The following ECT2 variants were observed in gnomAD, a reference collection of about 807,000 sequenced individuals.
ECT2 encodes the protein epithelial cell transforming 2.
Under a neutral mutation model 116.9 loss-of-function variants are expected in ECT2, and 61 were observed. The ratio of observed to expected loss-of-function variants is 0.52; its 90% CI spans 0.42 to 0.65. The LOEUF (loss-of-function observed/expected upper bound fraction) is 0.65, where lower values mean the gene tolerates loss of function less well. ECT2 is among the 30% of genes least tolerant of loss of function. ECT2 has a pLI of 0.00. For synonymous variants in ECT2, 358 were observed against 346.4 expected, an observed-to-expected ratio of 1.03 and a Z score of -0.37; for missense variants, 937 against 1,078.7, an observed-to-expected ratio of 0.87 and a Z score of 1.84.
In ECT2 at chr3:172,784,892, T is replaced by G; in HGVS notation, c.1825+89T>G. 4.9e-6 allele frequency: 4 copies of G among 819,296 alleles called. No homozygotes were observed. The South Asian group carries it at 6.8e-5, about 14-fold the overall frequency. The allele number at this position is 819,296 out of a possible 1,614,324, so 50.8% of individuals were successfully genotyped here. On this transcript the variant is annotated intron_variant, in intron 17 of 24. Transcript: ENST00000392692. ...GATGAATTTCTTCTCATTTTTAGAG[T>G]TTCTTAGATTTCAGCATTAAAGTTT...
intron 22 of ECT2, among the ~76,000 whole-genome samples, chr3:172,811,983 CTT>C (rs200790013): frequency 1.8e-4 from 24 of 134,514 alleles, no homozygotes; most frequent in Non-Finnish European, 1.8e-4. Flanking sequence ...AAATGTATTT[CTT>C]TTTTTTTTTT....
chr3:172,756,445 C>A (rs1164581566), intron 4 of ECT2, among the ~76,000 whole-genome samples: 1 of 152,096 alleles, frequency 6.6e-6, no homozygotes, highest in African/African-American at 2.4e-5. Flanking sequence ...CTACATATTG[C>A]ACATCTTTCT....
At position 172,774,069 on chromosome 3, in the gene ECT2, C is replaced by G. The variant is rs369690880; in HGVS notation, c.1548+47C>G. The G allele has an allele frequency of 4.5e-6, 7 of 1,567,896 alleles. No homozygotes were observed. The African/African-American group carries it at 9.5e-5, about 21-fold the overall frequency. On this transcript the variant is annotated intron_variant, in intron 14 of 24. Coordinates refer to ENST00000392692, the MANE Select transcript of ECT2 (RefSeq NM_001258315.2). ...TGGTAGTAATTTTTTTCAGATTGTACATATTTATTATGATCTTTGAGGTAC... is the reference window on the plus strand; with the variant it reads ...TGGTAGTAATTTTTTTCAGATTGTAGATATTTATTATGATCTTTGAGGTAC...
Position 172,821,456 on chromosome 3 carries a change from T to C in ECT2, c.*1219T>C, listed in dbSNP as rs566265570. ...TATTAGTAAGAACTTTGTAAATAAATACCTAAAACCCAAGTGTATTTTATG... is the reference window on the plus strand; with the variant it reads ...TATTAGTAAGAACTTTGTAAATAAACACCTAAAACCCAAGTGTATTTTATG... On this transcript the variant is annotated 3_prime_UTR_variant, in exon 25 of 25. Transcript: ENST00000392692. 2 of 152,044 alleles carry C rather than the reference T, an allele frequency of 1.3e-5. No individual in the cohort carries two copies. The highest frequency in any genetic ancestry group is 1.3e-4 in the Admixed American group (2 of 15,268). 9.4% of individuals were successfully genotyped at this position (152,044 alleles called of 1,614,324 possible).
rs755603715 is a variant in ECT2, at chr3:172,802,998, A to C, written c.2106+18A>C. On this transcript the variant is annotated intron_variant, in intron 20 of 24. Coordinates refer to ENST00000392692, the MANE Select transcript of ECT2 (RefSeq NM_001258315.2). ...GCCTAGAGGTAAAGATGTACTTCACATAGTATAATAACACTACTGATTTTT... is the reference window on the plus strand; with the variant it reads ...GCCTAGAGGTAAAGATGTACTTCACCTAGTATAATAACACTACTGATTTTT... 1.9e-6 allele frequency: 3 copies of C among 1,601,594 alleles called. No individual in the cohort carries two copies. The Admixed American group carries it at 5.2e-5, about 28-fold the overall frequency.
At position 172,750,816 on chromosome 3, in the gene ECT2, G is replaced by T. The variant is rs1275444390; in HGVS notation, c.-64G>T. ...AATGGCGGTATTTGTGAGAGGAGTCGGCGTTTGAAGAGGTGGAACTCCTAG... is the reference window on the plus strand; with the variant it reads ...AATGGCGGTATTTGTGAGAGGAGTCTGCGTTTGAAGAGGTGGAACTCCTAG... On this transcript the variant is annotated 5_prime_UTR_variant, in exon 1 of 25. Coordinates refer to ENST00000392692, the MANE Select transcript of ECT2 (RefSeq NM_001258315.2). 6.5e-6 allele frequency: 1 copy of T among 153,120 alleles called. No individual in the cohort carries two copies. The highest frequency in any genetic ancestry group is 6.5e-5 in the Admixed American group (1 of 15,292). 9.5% of individuals were successfully genotyped at this position (153,120 alleles called of 1,614,324 possible). A position where few individuals can be genotyped will look rare whatever the true frequency, so the allele number is the denominator to read the frequency against.
chr3:172,804,493 A>G (rs1021200045), intron 20 of ECT2, among the ~76,000 whole-genome samples: 3 of 152,164 alleles, frequency 2.0e-5, no homozygotes, highest in African/African-American at 7.2e-5. Context: ...GCCTGCCCTG[A>G]TTGAGAACAG....
At chr3:172,762,198 A>T (rs990147798) in intron 8 of ECT2, among the ~76,000 whole-genome samples, 2 of 152,168 alleles carry the variant, frequency 1.3e-5, no homozygotes, top group African/African-American at 4.8e-5. Flanking sequence ...TGTAAAGCTT[A>T]TCTGTGATCA....
rs1453666821 is a variant in ECT2 at position 172,759,063 on chromosome 3, A to G, written c.570A>G (p.Glu190=). The G allele has an allele frequency of 6.3e-7, 1 of 1,586,988 alleles. No individual in the cohort carries two copies. Among genetic ancestry groups the G allele is most frequent in the East Asian group, 2.2e-5 (1 of 44,564 alleles). ...VLCFTGFRKK[E]ELVRLVTLVH... Reference sequence around the variant, plus strand: ...GCTTTACTGGATTTAGGAAAAAAGAAGAACTAGTAAGTATTACGAAACAAA... The same window carrying G: ...GCTTTACTGGATTTAGGAAAAAAGAGGAACTAGTAAGTATTACGAAACAAA... The change falls in exon 6 of 25, where the codon GAA becomes GAG. Residue 190 remains glutamate (E), a synonymous_variant. Coordinates refer to ENST00000392692, the MANE Select transcript of ECT2 (RefSeq NM_001258315.2).
In ECT2 at chr3:172,780,179, A is replaced by G. The variant is rs186278630; in HGVS notation, c.1549-1984A>G. Among the ~76,000 whole-genome samples the G allele has an allele frequency of 2.0e-3, 307 of 152,188 alleles. 2 individuals carry two copies. Among genetic ancestry groups the G allele is most frequent in the African/African-American group, 6.6e-3 (276 of 41,524 alleles). On this transcript the variant is annotated intron_variant, in intron 14 of 24. Coordinates refer to ENST00000392692, the MANE Select transcript of ECT2 (RefSeq NM_001258315.2). ...AGCATATAGATATACTATTTGATACACTATATAGTATTGTAAATATGTTTA... is the reference window on the plus strand; with the variant it reads ...AGCATATAGATATACTATTTGATACGCTATATAGTATTGTAAATATGTTTA...
At chr3:172,800,968 A>G (rs960380673) in intron 18 of ECT2, among the ~76,000 whole-genome samples, 3 of 152,214 alleles carry the variant, frequency 2.0e-5, no homozygotes, top group African/African-American at 7.2e-5. Flanking sequence ...ACAAAAAATG[A>G]TAACTTTTAT....
chr3:172,768,598 A>G (rs1157024797), intron 12 of ECT2, among the ~76,000 whole-genome samples: 1 of 152,208 alleles, frequency 6.6e-6, no homozygotes, highest in Non-Finnish European at 1.5e-5. Flanking sequence ...TGTAGACTTC[A>G]GATTTCATCA....
intron 24 of ECT2, chr3:172,818,455 G>A (rs1039150879): frequency 8.8e-6 from 6 of 680,368 alleles, no homozygotes; most frequent in Non-Finnish European, 1.1e-5. Context: ...TTATGGTTAT[G>A]TCACTTTTAA....
At position 172,815,684 on chromosome 3, in the gene ECT2, A is replaced by G; in HGVS notation, c.2481A>G (p.Ser827=). Residue 827 remains serine (S), a synonymous_variant, in exon 23 of 25, where the codon TCA becomes TCG. Coordinates refer to ENST00000392692, the MANE Select transcript of ECT2 (RefSeq NM_001258315.2). Reference sequence around the variant, plus strand: ...TGGACAGTACATTGAGTAGAGCATCAAGAGCAATAAAAAAGACTTCAAAAA... The same window carrying G: ...TGGACAGTACATTGAGTAGAGCATCGAGAGCAATAAAAAAGACTTCAAAAA... ...KDMDSTLSRA[S]RAIKKTSKKV... 6.2e-7 allele frequency: 1 copy of G among 1,602,936 alleles called. No homozygotes were observed. Among genetic ancestry groups the G allele is most frequent in the South Asian group, 1.1e-5 (1 of 87,680 alleles).
intron 18 of ECT2, among the ~76,000 whole-genome samples, chr3:172,789,614 A>G (rs1183751096): frequency 1.3e-5 from 2 of 152,148 alleles, no homozygotes; most frequent in African/African-American, 4.8e-5. Flanking sequence ...TTTAACCCAT[A>G]TTAAACTGCA....
chr3:172,804,090 G>T (rs569129265), intron 20 of ECT2, among the ~76,000 whole-genome samples: 2 of 152,100 alleles, frequency 1.3e-5, no homozygotes, highest in Non-Finnish European at 2.9e-5. Flanking sequence ...GATTACAGGC[G>T]TGAGCCACTG....
intron 24 of ECT2, among the ~76,000 whole-genome samples, chr3:172,819,171 A>G (rs1039090113): frequency 2.8e-4 from 43 of 152,140 alleles, no homozygotes; most frequent in African/African-American, 7.7e-4. Flanking sequence ...AAACTTTTAT[A>G]TTATACATTC....
intron 18 of ECT2, among the ~76,000 whole-genome samples, chr3:172,799,526 C>G (rs2108975863): frequency 6.6e-6 from 1 of 152,320 alleles, no homozygotes; most frequent in South Asian, 2.1e-4. Flanking sequence ...AGTAACTTGA[C>G]AAAACCTGAC....
At chr3:172,793,202 T>C (rs1724988963) in intron 18 of ECT2, among the ~76,000 whole-genome samples, 3 of 152,194 alleles carry the variant, frequency 2.0e-5, no homozygotes, top group Non-Finnish European at 2.9e-5. Context: ...AGTCTCACTC[T>C]GTCTCCAGGC....
Sources: gnomAD v4.1 joint callset for allele counts (sites outside exome capture counted in the v4.1 genomes callset) on GRCh38, gnomAD v4.1.1 for gene constraint, MANE v1.5 for transcripts, NCBI Gene and HGNC (gene_info 2026-07-23, HGNC 2026-07-21) for gene names.